GCH1: variants seen among roughly 807,000 people sequenced by gnomAD.
The protein encoded by GCH1 is GTP cyclohydrolase I.
In GCH1, 5 loss-of-function variants were observed where a neutral mutation model predicts 25.9. The observed-to-expected ratio is 0.19, with a 90% confidence interval of 0.10 to 0.41. The LOEUF is 0.41. GCH1 is among the 10% of genes least tolerant of loss of function. The probability of loss-of-function intolerance (pLI) is 1.00; values close to 1 mark genes in which losing one functional copy is unlikely to be tolerated. For synonymous variants in GCH1, 159 were observed against 129.6 expected (o/e 1.23, Z -1.54); for missense variants, 261 against 336.5 (o/e 0.78, Z 1.75).
chr14:54,863,623 G>A (rs765160235), intron 2 of GCH1, among the ~76,000 whole-genome samples: 1 of 151,268 alleles, frequency 6.6e-6, no homozygotes, highest in Non-Finnish European at 1.5e-5. Context: ...ACAATGACAG[G>A]CAATGACATC....
chr14:54,849,431 T>A (rs767645396), intron 3 of GCH1, among the ~76,000 whole-genome samples: 10 of 152,244 alleles, frequency 6.6e-5, no homozygotes, highest in African/African-American at 2.4e-4. Context: ...GACACTGATA[T>A]CTATCTTGCC....
Position 54,843,357 on chromosome 14 carries a change from A to G in GCH1, c.*660T>C. 1.5e-5 allele frequency: 19 copies of G among 1,281,894 alleles called. No individual in the cohort carries two copies. The highest frequency in any genetic ancestry group is 1.7e-5 in the Non-Finnish European group (17 of 1,017,402). 79.4% of individuals were successfully genotyped at this position (1,281,894 alleles called of 1,614,324 possible). A position where few individuals can be genotyped will look rare whatever the true frequency, so the allele number is the denominator to read the frequency against. On this transcript the variant is annotated 3_prime_UTR_variant, in exon 6 of 6. Transcript: ENST00000491895. ...TGTTGACACGAGAATACACTCGTAA[A>G]CAACACCAGGAACTAATTCCCTATT...
At chr14:54,845,393 G>A (rs1023562137) in intron 5 of GCH1, among the ~76,000 whole-genome samples, 1 of 151,228 alleles carries the variant, frequency 6.6e-6, no homozygotes, top group Non-Finnish European at 1.5e-5. Flanking sequence ...CAGGAGAATC[G>A]CTTGAACCCG....
intron 3 of GCH1, among the ~76,000 whole-genome samples, chr14:54,848,194 T>C (rs1171022524): frequency 6.7e-6 from 1 of 150,292 alleles, no homozygotes; most frequent in Non-Finnish European, 1.5e-5. Context: ...TGGAGTGCAA[T>C]GGCATGATCT....
chr14:54,861,111 T>C (rs1013425992), intron 2 of GCH1, among the ~76,000 whole-genome samples: 6 of 152,228 alleles, frequency 3.9e-5, no homozygotes, highest in African/African-American at 1.4e-4. Flanking sequence ...AACGGCATCA[T>C]GGTTTGCTAA....
At position 54,843,844 on chromosome 14, in the gene GCH1, A is replaced by G. The variant is rs770100660; in HGVS notation, c.*173T>C. The stretch of plus-strand genomic sequence containing the variant: ...TGGCAAGAAGAAAGTAGAGGGCTCA[A>G]CCCTTTATTATATTTATTTGACTTC... On this transcript the variant is annotated 3_prime_UTR_variant, in exon 6 of 6. Coordinates refer to ENST00000491895, the MANE Select transcript of GCH1 (RefSeq NM_000161.3). The G allele has an allele frequency of 6.1e-5, 98 of 1,611,992 alleles. No individual in the cohort carries two copies. The Admixed American group carries it at 1.6e-3, about 26-fold the overall frequency.
At chr14:54,861,329 G>C (rs2039893383) in intron 2 of GCH1, among the ~76,000 whole-genome samples, 2 of 152,046 alleles carry the variant, frequency 1.3e-5, no homozygotes, top group Admixed American at 6.5e-5. Flanking sequence ...CATGAACCAA[G>C]GTCTTCTATG....
intron 5 of GCH1, 30 bp from the exon 6 acceptor site, chr14:54,844,173 AAGG>A: frequency 6.7e-7 from 1 of 1,493,504 alleles, no homozygotes; most frequent in Non-Finnish European, 9.3e-7. Flanking sequence ...AGGTTGTTTA[AAGG>A]AGTAGACAGC....
chr14:54,858,865 T>G (rs12587434), intron 3 of GCH1, among the ~76,000 whole-genome samples: 33,080 of 152,136 alleles, frequency 0.22, 3,748 homozygotes, highest in East Asian at 0.35. Flanking sequence ...CAAACCCCCA[T>G]GTTGACTTCC....
intron 1 of GCH1, chr14:54,885,111 A>G (rs899888887): frequency 3.4e-6 from 1 of 294,578 alleles, no homozygotes; most frequent in Non-Finnish European, 6.7e-6. Context: ...GGATGTCAGT[A>G]CAAACTCTGC....
At chr14:54,877,247 G>C (rs1322824815) in intron 1 of GCH1, among the ~76,000 whole-genome samples, 1 of 152,192 alleles carries the variant, frequency 6.6e-6, no homozygotes, top group Non-Finnish European at 1.5e-5. Flanking sequence ...CCTGGAAACA[G>C]GGATTTATGG....
intron 3 of GCH1, among the ~76,000 whole-genome samples, chr14:54,850,571 G>A (rs891959431): frequency 1.3e-5 from 2 of 151,982 alleles, no homozygotes; most frequent in African/African-American, 2.4e-5. Context: ...TAAGTGCCAC[G>A]TTGGTGTGCT....
intron 1 of GCH1, among the ~76,000 whole-genome samples, chr14:54,901,909 C>T (rs2149482): frequency 0.41 from 62,856 of 152,020 alleles, 14,704 homozygotes; most frequent in African/African-American, 0.64. Context: ...AGGAACTACC[C>T]AGGAAGCCGT....
Position 54,902,436 on chromosome 14 carries a change from C to T in GCH1, c.228G>A (p.Ser76=). 1 of 1,612,934 alleles carries T rather than the reference C, an allele frequency of 6.2e-7. No homozygotes were observed. Residue 76 remains serine, a synonymous_variant, in exon 1 of 6, where the codon TCG becomes TCA. Transcript: ENST00000491895. ...LNLPNLAAAY[S]SILSSLGENP... ...TCTCGCCCAGCGAGCTCAGGATGGA[C>T]GAGTAGGCGGCTGCCAGGTTAGGGA...
At chr14:54,899,068 C>A (rs60258834) in intron 1 of GCH1, among the ~76,000 whole-genome samples, 37,967 of 152,130 alleles carry the variant, frequency 0.25, 5,419 homozygotes, top group African/African-American at 0.39. Context: ...AATTTTTCAG[C>A]TCCATTGTAA....
intron 1 of GCH1, among the ~76,000 whole-genome samples, chr14:54,887,075 G>A (rs1293448361): frequency 6.6e-6 from 1 of 152,142 alleles, no homozygotes; most frequent in African/African-American, 2.4e-5. Flanking sequence ...CTTATTTGAG[G>A]GAAAATTCAG....
chr14:54,846,978 CGA>C (rs1395397759), intron 4 of GCH1, 119 bp downstream of exon 4: 1 of 476,216 alleles, frequency 2.1e-6, no homozygotes, highest in Non-Finnish European at 3.9e-6. Flanking sequence ...TGCAGTGAGC[CGA>C]GATTGCACCA....
intron 3 of GCH1, among the ~76,000 whole-genome samples, chr14:54,855,962 A>C (rs2039804840): frequency 6.6e-6 from 1 of 152,216 alleles, no homozygotes; most frequent in Admixed American, 6.5e-5. Context: ...AAAATAGGTA[A>C]GAAAAGTTTT....
At chr14:54,873,901 A>G (rs978004479) in intron 1 of GCH1, among the ~76,000 whole-genome samples, 2 of 152,252 alleles carry the variant, frequency 1.3e-5, no homozygotes, top group Admixed American at 6.5e-5. Context: ...TCACAGCCGA[A>G]TTCTACCAGA....
Sources: allele counts gnomAD v4.1 joint callset (sites outside exome capture counted in the v4.1 genomes callset), GRCh38; gene constraint gnomAD v4.1.1; transcripts MANE v1.5; gene names NCBI Gene and HGNC (gene_info 2026-07-23, HGNC 2026-07-21).